The following IL34 variants were observed in gnomAD, a reference collection of about 807,000 sequenced individuals.
IL34 encodes interleukin-34.
In IL34, 17 loss-of-function variants were observed where a neutral mutation model predicts 25.3. The ratio of observed to expected loss-of-function variants is 0.67; its 90% CI spans 0.46 to 1.01. The LOEUF (loss-of-function observed/expected upper bound fraction) is 1.01. IL34 is among the 50% of genes least tolerant of loss of function. IL34 has a pLI of 0.00. For synonymous variants in IL34, 174 were observed against 140.9 expected, an observed-to-expected ratio of 1.23 and a Z score of -1.66; for missense variants, 368 against 312.9, an observed-to-expected ratio of 1.18 and a Z score of -1.33.
intron 1 of IL34, 122 bp from the exon 2 acceptor site, chr16:70,654,416 C>G (rs982882460): frequency 2.2e-6 from 3 of 1,344,206 alleles, no homozygotes; most frequent in Non-Finnish European, 3.0e-6. Flanking sequence ...CCCCACCACA[C>G]CTTTCCCATT....
In IL34 at chr16:70,652,210, C is replaced by T. The variant is rs552395400; in HGVS notation, c.29-2328C>T. ...GTGGCTCATGCCTGTAATCCCAGCACTTTTGGAGGCCAAGGTGGGAGCATC... is the reference window on the plus strand; with the variant it reads ...GTGGCTCATGCCTGTAATCCCAGCATTTTTGGAGGCCAAGGTGGGAGCATC... On this transcript the variant is annotated intron_variant, in intron 1 of 5. Coordinates refer to ENST00000288098, the MANE Select transcript of IL34 (RefSeq NM_001393494.1). Among the ~76,000 whole-genome samples the T allele has an allele frequency of 9.2e-5, 14 of 152,232 alleles. No individual in the cohort carries two copies. In the South Asian group the frequency reaches 2.7e-3, roughly 29 times the overall value.
intron 1 of IL34, among the ~76,000 whole-genome samples, chr16:70,629,672 ACAAT>A (rs1297649244): frequency 6.6e-6 from 1 of 152,138 alleles, no homozygotes; most frequent in Non-Finnish European, 1.5e-5. Flanking sequence ...CAGTACAGAA[ACAAT>A]CATTGTAGAC....
At chr16:70,658,935 C>T (rs998496722) in intron 4 of IL34, among the ~76,000 whole-genome samples, 3 of 152,190 alleles carry the variant, frequency 2.0e-5, no homozygotes, top group Non-Finnish European at 4.4e-5. Flanking sequence ...AATAGGGTCA[C>T]ATTCACGGGT....
At chr16:70,605,528 C>G (rs189864355) in intron 1 of IL34, among the ~76,000 whole-genome samples, 5 of 152,298 alleles carry the variant, frequency 3.3e-5, no homozygotes, top group African/African-American at 1.2e-4. Flanking sequence ...TTCTCCCCAG[C>G]CCTGGTAACC....
intron 1 of IL34, among the ~76,000 whole-genome samples, chr16:70,651,275 G>A (rs755824297): frequency 1.7e-4 from 26 of 152,206 alleles, no homozygotes; most frequent in South Asian, 1.2e-3. Flanking sequence ...CAGGAGGCAG[G>A]GATGATCTTG....
upstream of IL34, among the ~76,000 whole-genome samples, chr16:70,644,479 AG>A (rs780748066): frequency 6.0e-4 from 91 of 152,128 alleles, no homozygotes; most frequent in Non-Finnish European, 1.0e-3. Flanking sequence ...TTTTTTGGGT[AG>A]ATGGAAATGT....
chr16:70,624,527 T>TC (rs2051349155), intron 1 of IL34, among the ~76,000 whole-genome samples: 1 of 152,094 alleles, frequency 6.6e-6, no homozygotes, highest in Non-Finnish European at 1.5e-5. Flanking sequence ...CCTTTTAGGG[T>TC]CTAGGGCTGT....
chr16:70,660,340 C>T lies in IL34; in HGVS notation c.*153C>T. 1.5e-6 allele frequency: 1 copy of T among 647,550 alleles called. No homozygotes were observed. The highest frequency in any genetic ancestry group is 2.5e-6 in the Non-Finnish European group (1 of 401,530). 40.1% of individuals were successfully genotyped at this position (647,550 alleles called of 1,614,324 possible). A position where few individuals can be genotyped will look rare whatever the true frequency, so the allele number is the denominator to read the frequency against. ...TTCCTTTGAGGGGGATTCTGTGCCA[C>T]AGCAGGGCTCAGCTTCCTGCCTTCC... On this transcript the variant is annotated 3_prime_UTR_variant, in exon 6 of 6. Coordinates refer to ENST00000288098, the MANE Select transcript of IL34 (RefSeq NM_001393494.1).
At chr16:70,641,820 A>T (rs1433990005), upstream of IL34, among the ~76,000 whole-genome samples, 2 of 151,812 alleles carry the variant, frequency 1.3e-5, no homozygotes, top group African/African-American at 4.8e-5. Flanking sequence ...ACCCCCCCGC[A>T]ACCTCCCAAA....
At chr16:70,654,350 C>T (rs1186933471) in intron 1 of IL34, 188 bp from the exon 2 acceptor site, 4 of 672,084 alleles carry the variant, frequency 6.0e-6, no homozygotes, top group Non-Finnish European at 9.6e-6. Flanking sequence ...CTAGTGCCTG[C>T]CTGACCTTGC....
Position 70,623,841 on chromosome 16 carries a change from T to G in IL34, c.-400-22707T>G, listed in dbSNP as rs139621827. ...GTATCATCTAAGTTGGCACCAGAGT[T>G]GGGGAGTTCTAAGAGGTTTAGAAGC... On this transcript the variant is annotated intron_variant, in intron 1 of 6. Coordinates refer to the IL34 transcript ENST00000429149. 5.9e-3 allele frequency among the ~76,000 whole-genome samples: 896 copies of G among 150,716 alleles called. 8 individuals carry two copies. The highest frequency in any genetic ancestry group is 0.017 in the Middle Eastern group (5 of 294).
chr16:70,587,839 G>T (rs1428154208), intron 1 of IL34, among the ~76,000 whole-genome samples: 2 of 151,980 alleles, frequency 1.3e-5, no homozygotes, highest in Non-Finnish European at 2.9e-5. Flanking sequence ...AAGAGTTTGA[G>T]ACCAGCCTGG....
At chr16:70,585,811 C>T (rs972159611) in intron 1 of IL34, among the ~76,000 whole-genome samples, 4 of 150,750 alleles carry the variant, frequency 2.7e-5, no homozygotes, top group East Asian at 2.0e-4. Context: ...GGATTACAGG[C>T]GTGAGCCACT....
intron 4 of IL34, among the ~76,000 whole-genome samples, chr16:70,658,609 G>A (rs910153444): frequency 5.9e-5 from 9 of 151,872 alleles, no homozygotes; most frequent in Non-Finnish European, 1.0e-4. Flanking sequence ...AGCCTCCCAA[G>A]TAGCTGGGAT....
At chr16:70,612,338 G>C (rs1214287870) in intron 1 of IL34, among the ~76,000 whole-genome samples, 2 of 152,182 alleles carry the variant, frequency 1.3e-5, no homozygotes, top group Non-Finnish European at 2.9e-5. Flanking sequence ...CTGGGGGCTA[G>C]GGGGATCTGC....
intron 1 of IL34, among the ~76,000 whole-genome samples, chr16:70,638,256 C>T (rs1597766977): frequency 1.3e-5 from 2 of 152,172 alleles, no homozygotes; most frequent in East Asian, 1.9e-4. Context: ...GTAGGAGGAC[C>T]ACTTGAGCCT....
chr16:70,618,919 T>C (rs1204262449), intron 1 of IL34, among the ~76,000 whole-genome samples: 1 of 152,076 alleles, frequency 6.6e-6, no homozygotes, highest in Non-Finnish European at 1.5e-5. Context: ...GAGGCTGGGA[T>C]TAACGGTGCA....
At position 70,612,795 on chromosome 16, in the gene IL34, GTTTGT is replaced by G. The variant is rs559932090; in HGVS notation, c.-401+32751_-401+32755del. On this transcript the variant is annotated intron_variant, in intron 1 of 6. Coordinates refer to the IL34 transcript ENST00000429149. The stretch of plus-strand genomic sequence containing the variant: ...CTCCCAATTAGAACACATGTTTTTT[GTTTGT>G]TTTGAGACAGAGTCTCACTCTATTG... Among the ~76,000 whole-genome samples the G allele has an allele frequency of 1.1e-4, 16 of 152,200 alleles. No homozygotes were observed. The South Asian group carries it at 3.3e-3, about 32-fold the overall frequency.
chr16:70,639,417 C>T (rs1567458037), intron 1 of IL34, among the ~76,000 whole-genome samples: 1 of 152,176 alleles, frequency 6.6e-6, no homozygotes. Flanking sequence ...TGTTGATCTG[C>T]TACTGCCTCT....
Sources: gnomAD v4.1 joint callset for allele counts (sites outside exome capture counted in the v4.1 genomes callset) on GRCh38, gnomAD v4.1.1 for gene constraint, MANE v1.5 for transcripts, NCBI Gene and HGNC (gene_info 2026-07-23, HGNC 2026-07-21) for gene names.